The following ABLIM1 variants were observed in gnomAD, a reference collection of about 807,000 sequenced individuals.
The protein encoded by ABLIM1 is actin-binding LIM protein 1.
ABLIM1 carries 40 observed loss-of-function variants against 107.0 expected under a neutral mutation model. That is an observed-to-expected ratio of 0.37 (90% CI 0.29 to 0.49). The LOEUF (loss-of-function observed/expected upper bound fraction) is 0.49. Ranked by LOEUF, ABLIM1 falls within the 20% of genes least tolerant of loss-of-function variation. ABLIM1 has a pLI of 0.97. For missense variants in ABLIM1, 857 were observed against 1,008.5 expected (o/e 0.85, Z 2.04); for synonymous variants, 357 against 357.3 (o/e 1.00, Z 0.01).
At chr10:114,664,791 G>A (rs1340345387) in intron 1 of ABLIM1, among the ~76,000 whole-genome samples, 1 of 150,640 alleles carries the variant, frequency 6.6e-6, no homozygotes. Flanking sequence ...TGATCCGCTC[G>A]CCTCAGCCTC....
intron 3 of ABLIM1, 45 bp from the exon 4 acceptor site, chr10:114,571,451 C>T: frequency 1.3e-6 from 2 of 1,572,350 alleles, no homozygotes; most frequent in Non-Finnish European, 1.8e-6. Flanking sequence ...GCAGCAATTT[C>T]ATTCCTTTTC....
At chr10:114,645,829 T>C (rs1469483703) in intron 1 of ABLIM1, among the ~76,000 whole-genome samples, 1 of 152,074 alleles carries the variant, frequency 6.6e-6, no homozygotes, top group Non-Finnish European at 1.5e-5. Flanking sequence ...CAAAATGTCC[T>C]TTTGGCCTGT....
upstream of ABLIM1, among the ~76,000 whole-genome samples, chr10:114,689,615 G>C (rs1004918896): frequency 6.6e-6 from 1 of 151,990 alleles, no homozygotes; most frequent in Non-Finnish European, 1.5e-5. Context: ...ACCTATCGTG[G>C]CCTCCCAAAG....
chr10:114,458,625 C>T (rs12268190), intron 12 of ABLIM1, among the ~76,000 whole-genome samples: 43,634 of 152,032 alleles, frequency 0.29, 7,617 homozygotes, highest in South Asian at 0.41. Flanking sequence ...TTGTCTAAAG[C>T]GTCAATAAGA....
At chr10:114,443,997 G>C (rs200635576) in intron 17 of ABLIM1, 32 bp downstream of exon 17, 1 of 1,565,804 alleles carries the variant, frequency 6.4e-7, no homozygotes, top group African/African-American at 1.4e-5. Context: ...GCTGGCTCTC[G>C]AATCAGGGAA....
rs1051355840 is a variant in ABLIM1 at position 114,748,158 on chromosome 10, CT to C, written c.-213+19902del. 2.0e-4 allele frequency among the ~76,000 whole-genome samples: 30 copies of C among 149,854 alleles called. No individual in the cohort carries two copies. The South Asian group carries it at 2.1e-3, about 11-fold the overall frequency. The stretch of plus-strand genomic sequence containing the variant: ...AGAACCCCTGTGTTTGAATAATTCT[CT>C]TTTTTTTTTCCTTGCTGTCTTCAGG... On this transcript the variant is annotated intron_variant, in intron 1 of 15. Transcript: ENST00000651092.
chr10:114,706,877 C>T (rs140595927), intron 1 of ABLIM1, among the ~76,000 whole-genome samples: 232 of 152,122 alleles, frequency 1.5e-3, no homozygotes, highest in African/African-American at 5.1e-3. Context: ...AAATTCAGCC[C>T]TGCCCAGTCC....
At chr10:114,520,298 C>T (rs1489260828) in intron 6 of ABLIM1, among the ~76,000 whole-genome samples, 1 of 152,162 alleles carries the variant, frequency 6.6e-6, no homozygotes, top group African/African-American at 2.4e-5. Flanking sequence ...CATCCTGGGG[C>T]CAATCAACCT....
chr10:114,633,436 G>T (rs2078301582), intron 1 of ABLIM1, among the ~76,000 whole-genome samples: 1 of 152,104 alleles, frequency 6.6e-6, no homozygotes, highest in Non-Finnish European at 1.5e-5. Context: ...GTGACTCAGG[G>T]CTTTACTATT....
At chr10:114,762,889 G>A (rs2082782024) in intron 1 of ABLIM1, among the ~76,000 whole-genome samples, 1 of 152,124 alleles carries the variant, frequency 6.6e-6, no homozygotes, top group Non-Finnish European at 1.5e-5. Context: ...ACATGTATGC[G>A]CCACAATCTG....
intron 1 of ABLIM1, among the ~76,000 whole-genome samples, chr10:114,644,163 C>A (rs1015078796): frequency 6.7e-6 from 1 of 148,382 alleles, no homozygotes; most frequent in South Asian, 2.1e-4. Flanking sequence ...CACCTGTAGT[C>A]CCAGCTACTC....
chr10:114,770,800 G>C (rs1205676407), upstream of ABLIM1, among the ~76,000 whole-genome samples: 1 of 152,152 alleles, frequency 6.6e-6, no homozygotes, highest in East Asian at 1.9e-4. Context: ...TAGTAAGATA[G>C]AGAGGTCCCA....
At chr10:114,754,479 C>T (rs1051643499) in intron 1 of ABLIM1, among the ~76,000 whole-genome samples, 4 of 152,186 alleles carry the variant, frequency 2.6e-5, no homozygotes, top group African/African-American at 9.7e-5. Context: ...AGATGTCTCC[C>T]TACAGTTCAG....
At chr10:114,478,829 A>C (rs1202748583) in intron 8 of ABLIM1, among the ~76,000 whole-genome samples, 1 of 152,118 alleles carries the variant, frequency 6.6e-6, no homozygotes, top group Non-Finnish European at 1.5e-5. Context: ...TGACCTCCTA[A>C]GTTTATGGTA....
At position 114,650,279 on chromosome 10, in the gene ABLIM1, C is replaced by A. The variant is rs751392077; in HGVS notation, c.244+7678G>T. On this transcript the variant is annotated intron_variant, in intron 1 of 22. Coordinates refer to ENST00000533213, the MANE Select transcript of ABLIM1 (RefSeq NM_002313.7). ...ATAATAATCAGCACTGGGTCATGCC[C>A]CAGAATCATTAGGATCAAAGGATGG... is the stretch of plus-strand genomic sequence containing the variant. Among the ~76,000 whole-genome samples the A allele has an allele frequency of 2.6e-5, 4 of 152,116 alleles. No homozygotes were observed. In the East Asian group the frequency reaches 7.7e-4, roughly 29 times the overall value.
At chr10:114,635,905 A>T (rs920827476) in intron 1 of ABLIM1, among the ~76,000 whole-genome samples, 3 of 152,148 alleles carry the variant, frequency 2.0e-5, no homozygotes, top group African/African-American at 7.2e-5. Context: ...ATGAGTTCCT[A>T]TTTGCTTTCT....
intron 4 of ABLIM1, among the ~76,000 whole-genome samples, chr10:114,551,114 C>T (rs2068006741): frequency 6.6e-6 from 1 of 152,226 alleles, no homozygotes; most frequent in Non-Finnish European, 1.5e-5. Context: ...ACCCTCATTT[C>T]TTCATCTGTA....
At chr10:114,485,364 C>T (rs760392188) in intron 8 of ABLIM1, 77 of 1,612,148 alleles carry the variant, frequency 4.8e-5, no homozygotes, top group African/African-American at 3.1e-4. Context: ...GGATGAAGAA[C>T]GCCGAATGTT....
At chr10:114,461,229 A>AT (rs1184776366) in intron 12 of ABLIM1, among the ~76,000 whole-genome samples, 4 of 150,428 alleles carry the variant, frequency 2.7e-5, no homozygotes, top group Non-Finnish European at 1.5e-5. Flanking sequence ...TGCCCGGCTA[A>AT]TTTTTTTTTG....
Sources: gnomAD v4.1 joint callset for allele counts (sites outside exome capture counted in the v4.1 genomes callset) on GRCh38, gnomAD v4.1.1 for gene constraint, MANE v1.5 for transcripts, NCBI Gene and HGNC (gene_info 2026-07-23, HGNC 2026-07-21) for gene names.